Variants in TBC1D15 observed in about 807,000 individuals in gnomAD.
The protein encoded by TBC1D15 is TBC1 domain family member 15.
Under a neutral mutation model 95.4 loss-of-function variants are expected in TBC1D15, and 39 were observed. That is an observed-to-expected ratio of 0.41 (90% CI 0.32 to 0.53). The LOEUF is 0.53. TBC1D15 is among the 20% of genes least tolerant of loss of function. The pLI is 0.29. For missense variants in TBC1D15, 733 were observed against 794.3 expected, an observed-to-expected ratio of 0.92 and a Z score of 0.93; for synonymous variants, 258 against 261.3, an observed-to-expected ratio of 0.99 and a Z score of 0.12.
At chr12:71,878,366 A>G (rs746452683) in intron 3 of TBC1D15, among the ~76,000 whole-genome samples, 2 of 152,026 alleles carry the variant, frequency 1.3e-5, no homozygotes, top group Non-Finnish European at 2.9e-5. Flanking sequence ...TGACCTACCA[A>G]TTTGAGCCTT....
chr12:71,893,787 A>G (rs1378500053), intron 6 of TBC1D15, among the ~76,000 whole-genome samples: 2 of 151,972 alleles, frequency 1.3e-5, no homozygotes, highest in Non-Finnish European at 2.9e-5. Flanking sequence ...TGTGCACTTA[A>G]TAATAGGCAG....
intron 1 of TBC1D15, chr12:71,861,628 G>T (rs1303395035): frequency 1.4e-6 from 1 of 710,590 alleles, no homozygotes; most frequent in Non-Finnish European, 2.0e-6. Flanking sequence ...GTCAATTTTG[G>T]CTGCCTTTAA....
At chr12:71,905,475 G>A (rs993867356) in intron 10 of TBC1D15, among the ~76,000 whole-genome samples, 2 of 151,972 alleles carry the variant, frequency 1.3e-5, no homozygotes, top group Admixed American at 6.6e-5. Flanking sequence ...ACAGGCAGGC[G>A]TCACCATGCC....
intron 1 of TBC1D15, among the ~76,000 whole-genome samples, chr12:71,869,680 C>G (rs1892256080): frequency 6.6e-6 from 1 of 152,066 alleles, no homozygotes; most frequent in Non-Finnish European, 1.5e-5. Flanking sequence ...GTACAACATG[C>G]AGACTAAAGT....
intron 8 of TBC1D15, 129 bp downstream of exon 8, chr12:71,896,204 G>A: frequency 1.2e-6 from 1 of 810,532 alleles, no homozygotes; most frequent in Middle Eastern, 4.0e-4. Flanking sequence ...GGGGAAGTAG[G>A]GAGGAATGAA....
chr12:71,846,694 T>C (rs969557656), intron 1 of TBC1D15, among the ~76,000 whole-genome samples: 1 of 152,094 alleles, frequency 6.6e-6, no homozygotes, highest in African/African-American at 2.4e-5. Context: ...TGTATTTATT[T>C]TTAATTAGGT....
At chr12:71,886,732 G>A (rs188851577) in intron 5 of TBC1D15, among the ~76,000 whole-genome samples, 79 of 152,300 alleles carry the variant, frequency 5.2e-4, no homozygotes, top group African/African-American at 1.9e-3. Flanking sequence ...GTGGATCTTG[G>A]ATCTCGAAGT....
At chr12:71,871,591 A>AT (rs958438336) in intron 1 of TBC1D15, among the ~76,000 whole-genome samples, 4 of 151,850 alleles carry the variant, frequency 2.6e-5, no homozygotes, top group Admixed American at 6.6e-5. Flanking sequence ...TATTTTTTTG[A>AT]TTTTTTATAG....
At chr12:71,849,328 A>G (rs1592689122) in intron 1 of TBC1D15, 4 of 1,222,000 alleles carry the variant, frequency 3.3e-6, no homozygotes, top group East Asian at 2.3e-5. Flanking sequence ...TAAGGAGGCT[A>G]TCATAGGAGG....
At chr12:71,910,930 A>T (rs1027426161) in intron 11 of TBC1D15, among the ~76,000 whole-genome samples, 33 of 152,342 alleles carry the variant, frequency 2.2e-4, no homozygotes, top group African/African-American at 6.7e-4. Flanking sequence ...TTTACAAGAA[A>T]AAACAAACAA....
At chr12:71,876,821 T>G (rs1292805280) in intron 3 of TBC1D15, among the ~76,000 whole-genome samples, 1 of 150,998 alleles carries the variant, frequency 6.6e-6, no homozygotes, top group Non-Finnish European at 1.5e-5. Flanking sequence ...TTTTGTTTTG[T>G]TTTTTTTGAG....
chr12:71,916,990 C>A (rs977841360), intron 12 of TBC1D15, among the ~76,000 whole-genome samples: 1 of 151,704 alleles, frequency 6.6e-6, no homozygotes, highest in Non-Finnish European at 1.5e-5. Context: ...TAAATAACAA[C>A]ACATTCTACC....
At chr12:71,888,510 GT>G (rs1388955447) in intron 5 of TBC1D15, among the ~76,000 whole-genome samples, 1 of 151,552 alleles carries the variant, frequency 6.6e-6, no homozygotes, top group Non-Finnish European at 1.5e-5. Context: ...TGAAAATACT[GT>G]TATTAGAGGG....
At chr12:71,878,116 A>G (rs1894353185) in intron 3 of TBC1D15, among the ~76,000 whole-genome samples, 1 of 152,182 alleles carries the variant, frequency 6.6e-6, no homozygotes, top group South Asian at 2.1e-4. Context: ...GGAAATGGTA[A>G]GCTTGGATGG....
At chr12:71,881,774 G>A (rs1218299125) in intron 4 of TBC1D15, among the ~76,000 whole-genome samples, 2 of 152,024 alleles carry the variant, frequency 1.3e-5, no homozygotes, top group East Asian at 1.9e-4. Flanking sequence ...AAAATTAGCC[G>A]GGCGTGGTGG....
At chr12:71,892,080 GAA>G (rs1294965296) in intron 5 of TBC1D15, among the ~76,000 whole-genome samples, 2 of 152,036 alleles carry the variant, frequency 1.3e-5, no homozygotes, top group Non-Finnish European at 2.9e-5. Flanking sequence ...CCTTGTGAGA[GAA>G]TCTGTAAGTC....
intron 1 of TBC1D15, among the ~76,000 whole-genome samples, chr12:71,855,192 A>T (rs1888752276): frequency 6.6e-6 from 1 of 152,038 alleles, no homozygotes; most frequent in South Asian, 2.1e-4. Context: ...GAACTCCCTC[A>T]CTATCCTGAG....
rs1344544688 is a variant in TBC1D15 at position 71,885,014 on chromosome 12, T to C, written c.547T>C (p.Leu183=). The C allele has an allele frequency of 9.3e-6, 15 of 1,613,144 alleles. No homozygotes were observed. Among genetic ancestry groups the C allele is most frequent in the Admixed American group, 1.7e-5 (1 of 59,992 alleles). The change falls in exon 5 of 17, where the codon TTG becomes CTG. Residue 183 remains leucine (L), a synonymous_variant. Transcript: ENST00000485960. ...TGAATCTCTTGAAAAATATGTGGTA[T>C]TGTGTGAGTAAGTATCATATTATTT... ...LIESLEKYVV[L]CESPQDKRTL...
chr12:71,898,060 G>A (rs938754400), intron 10 of TBC1D15, 119 bp downstream of exon 10: 1 of 692,160 alleles, frequency 1.4e-6, no homozygotes, highest in Non-Finnish European at 2.5e-6. Flanking sequence ...AATCAGAATA[G>A]GAAAGTACAT....
Sources: gnomAD v4.1 joint callset for allele counts (sites outside exome capture counted in the v4.1 genomes callset) on GRCh38, gnomAD v4.1.1 for gene constraint, MANE v1.5 for transcripts, NCBI Gene and HGNC (gene_info 2026-07-23, HGNC 2026-07-21) for gene names.